The following DTWD2 variants were observed in gnomAD, a reference collection of about 807,000 sequenced individuals.
The protein encoded by DTWD2 is DTW motif tRNA-uridine aminocarboxypropyltransferase 2.
A neutral mutation model predicts 31.8 loss-of-function variants in DTWD2; 39 were observed. The ratio of observed to expected loss-of-function variants is 1.22; its 90% CI spans 0.95 to 1.60. The LOEUF is 1.60. Ranked by LOEUF, DTWD2 falls within the 40% of genes most tolerant of loss-of-function variation. The pLI, the probability that DTWD2 is intolerant of heterozygous loss-of-function variation, is 0.00. For missense variants in DTWD2, 515 were observed against 381.5 expected (o/e 1.35, Z -2.92); for synonymous variants, 180 against 142.8 (o/e 1.26, Z -1.86).
intron 1 of DTWD2, among the ~76,000 whole-genome samples, chr5:118,985,517 T>C (rs113750316): frequency 0.066 from 7,103 of 107,562 alleles, 592 homozygotes; most frequent in African/African-American, 0.21. Flanking sequence ...TATATATATA[T>C]ACACACACAT....
intron 4 of DTWD2, among the ~76,000 whole-genome samples, chr5:118,924,469 G>C (rs544537144): frequency 6.6e-6 from 1 of 152,188 alleles, no homozygotes; most frequent in Admixed American, 6.5e-5. Flanking sequence ...CCCATGAAAG[G>C]GGCATGTTAA....
At chr5:118,861,586 A>C (rs1357323454) in intron 4 of DTWD2, among the ~76,000 whole-genome samples, 1 of 152,126 alleles carries the variant, frequency 6.6e-6, no homozygotes, top group Admixed American at 6.5e-5. Flanking sequence ...TTTTTTTTAA[A>C]AAAGAATACT....
Position 118,840,773 on chromosome 5 carries a change from G to T in DTWD2, c.*144C>A. ...TGTTTATTTGTATTTATGAATATTT[G>T]GTTTACTTCCTTCTTCTGGGTAAGA... is the stretch of plus-strand genomic sequence containing the variant. On this transcript the variant is annotated 3_prime_UTR_variant, in exon 6 of 6. Transcript: ENST00000510708. 1.3e-6 allele frequency: 1 copy of T among 766,668 alleles called. No individual in the cohort carries two copies. Among genetic ancestry groups the T allele is most frequent in the Non-Finnish European group, 1.9e-6 (1 of 537,892 alleles). The allele number at this position is 766,668 out of a possible 1,614,324, so 47.5% of individuals were successfully genotyped here. A position where few individuals can be genotyped will look rare whatever the true frequency, so the allele number is the denominator to read the frequency against.
chr5:118,946,144 A>G (rs1181428847), intron 1 of DTWD2, among the ~76,000 whole-genome samples: 1 of 152,196 alleles, frequency 6.6e-6, no homozygotes, highest in African/African-American at 2.4e-5. Flanking sequence ...GCAGAAGTAA[A>G]ATCATATTAT....
In DTWD2 at chr5:118,839,707, C is replaced by T. The variant is rs1436790249; in HGVS notation, c.*1210G>A. Reference sequence around the variant, plus strand: ...AAAATAAATCAACAATAGAAGCCAGCACTCTTTTAATATTTTAAAATATTT... The same window carrying T: ...AAAATAAATCAACAATAGAAGCCAGTACTCTTTTAATATTTTAAAATATTT... On this transcript the variant is annotated 3_prime_UTR_variant, in exon 6 of 6. Coordinates refer to ENST00000510708, the MANE Select transcript of DTWD2 (RefSeq NM_173666.4). 1 of 152,130 alleles carries T rather than the reference C, an allele frequency of 6.6e-6. No individual in the cohort carries two copies. The allele number at this position is 152,130 out of a possible 1,614,324, so 9.4% of individuals were successfully genotyped here. A position where few individuals can be genotyped will look rare whatever the true frequency, so the allele number is the denominator to read the frequency against.
chr5:118,940,995 A>G (rs1317977990), intron 2 of DTWD2, among the ~76,000 whole-genome samples: 1 of 151,922 alleles, frequency 6.6e-6, no homozygotes, highest in Non-Finnish European at 1.5e-5. Flanking sequence ...TTCTATTTTT[A>G]CCCTTAGGTA....
intron 4 of DTWD2, among the ~76,000 whole-genome samples, chr5:118,918,673 C>T (rs1225347660): frequency 6.6e-6 from 1 of 152,016 alleles, no homozygotes; most frequent in Admixed American, 6.6e-5. Flanking sequence ...GCCACCAATG[C>T]CAACACCACT....
At chr5:118,907,258 G>A (rs1561450407) in intron 4 of DTWD2, among the ~76,000 whole-genome samples, 1 of 152,288 alleles carries the variant, frequency 6.6e-6, no homozygotes, top group East Asian at 1.9e-4. Context: ...ACTGCACTGG[G>A]ATTAATTTTT....
At chr5:118,893,210 A>T (rs1753011781) in intron 4 of DTWD2, among the ~76,000 whole-genome samples, 1 of 152,058 alleles carries the variant, frequency 6.6e-6, no homozygotes, top group Non-Finnish European at 1.5e-5. Flanking sequence ...CCCTGTCTCT[A>T]CTAAAAATAC....
At position 118,945,775 on chromosome 5, in the gene DTWD2, AAAGAAAG is replaced by A. The variant is rs1419692385; in HGVS notation, c.219-1133_219-1127del. 6.8e-3 allele frequency among the ~76,000 whole-genome samples: 121 copies of A among 17,794 alleles called. 2 individuals are homozygous for A. In the South Asian group the frequency reaches 0.15, roughly 22 times the overall value. The allele number at this position is 17,794 out of a possible 152,430, so 11.7% of individuals were successfully genotyped here. On this transcript the variant is annotated intron_variant, in intron 1 of 5. Coordinates refer to ENST00000510708, the MANE Select transcript of DTWD2 (RefSeq NM_173666.4). ...GCGAGACTCCAACTCAAAAAAAAAAAAAGAAAGAAAGAAAGAAAGAAAGAAAGAAAGA... is the reference window on the plus strand; with the variant it reads ...GCGAGACTCCAACTCAAAAAAAAAAAAAAGAAAGAAAGAAAGAAAGAAAGA...
At chr5:118,968,329 G>C (rs1754900293) in intron 1 of DTWD2, among the ~76,000 whole-genome samples, 1 of 152,192 alleles carries the variant, frequency 6.6e-6, no homozygotes, top group African/African-American at 2.4e-5. Flanking sequence ...TGGAAAAACT[G>C]GTGAATTCTG....
chr5:118,979,769 G>A (rs941987278), intron 1 of DTWD2, among the ~76,000 whole-genome samples: 1 of 152,236 alleles, frequency 6.6e-6, no homozygotes, highest in Non-Finnish European at 1.5e-5. Context: ...AACACCGCAT[G>A]TTCTCACTTA....
intron 1 of DTWD2, among the ~76,000 whole-genome samples, chr5:118,985,490 T>TCATATATATATATA (rs1755403219): frequency 1.0e-5 from 1 of 95,418 alleles, no homozygotes; most frequent in Non-Finnish European, 2.2e-5. Flanking sequence ...ATGTGCATTT[T>TCATATATATATATA]TATATATATA....
At chr5:118,855,565 A>G (rs1448929251) in intron 4 of DTWD2, among the ~76,000 whole-genome samples, 1 of 152,178 alleles carries the variant, frequency 6.6e-6, no homozygotes, top group East Asian at 1.9e-4. Context: ...GATGAAAGAT[A>G]AAGATGTTCA....
At chr5:118,880,244 C>T (rs1276351528) in intron 4 of DTWD2, among the ~76,000 whole-genome samples, 1 of 152,180 alleles carries the variant, frequency 6.6e-6, no homozygotes, top group East Asian at 1.9e-4. Context: ...ATTTTACCAT[C>T]TCTAAAATTA....
At chr5:118,900,095 C>T (rs1753172509) in intron 4 of DTWD2, among the ~76,000 whole-genome samples, 1 of 152,160 alleles carries the variant, frequency 6.6e-6, no homozygotes, top group Non-Finnish European at 1.5e-5. Flanking sequence ...GCACAAGCCA[C>T]CATGCACGGC....
chr5:118,902,412 T>C (rs1274282983), intron 4 of DTWD2, among the ~76,000 whole-genome samples: 1 of 152,104 alleles, frequency 6.6e-6, no homozygotes, highest in Non-Finnish European at 1.5e-5. Flanking sequence ...TTAAAATAGA[T>C]CAAATAATGT....
chr5:118,929,291 A>G (rs938046645), intron 3 of DTWD2, among the ~76,000 whole-genome samples: 15 of 152,212 alleles, frequency 9.9e-5, no homozygotes, highest in African/African-American at 3.6e-4. Context: ...ACCTATCTTA[A>G]TAGGCAGACA....
intron 1 of DTWD2, among the ~76,000 whole-genome samples, chr5:118,979,749 C>T (rs192312631): frequency 1.3e-5 from 2 of 152,310 alleles, no homozygotes; most frequent in Admixed American, 6.5e-5. Flanking sequence ...AATGCAGGAA[C>T]AGAAAACCAA....
Sources: allele counts gnomAD v4.1 joint callset (sites outside exome capture counted in the v4.1 genomes callset), GRCh38; gene constraint gnomAD v4.1.1; transcripts MANE v1.5; gene names NCBI Gene and HGNC (gene_info 2026-07-23, HGNC 2026-07-21).